The following AQR variants were observed in gnomAD, a reference collection of about 807,000 sequenced individuals.
AQR encodes aquarius intron-binding spliceosomal factor.
Under a neutral mutation model 180.5 loss-of-function variants are expected in AQR, and 61 were observed. The ratio of observed to expected loss-of-function variants is 0.34; its 90% CI spans 0.28 to 0.42. The LOEUF (loss-of-function observed/expected upper bound fraction) is 0.42. Among genes scored for constraint, AQR ranks in the 10% least tolerant of loss-of-function variants. The pLI is 1.00. For synonymous variants in AQR, 551 were observed against 588.8 expected, an observed-to-expected ratio of 0.94 and a Z score of 0.93; for missense variants, 1,281 against 1,798.3, an observed-to-expected ratio of 0.71 and a Z score of 5.20.
chr15:34,884,423 CAAAA>C, intron 26 of AQR, 98 bp downstream of exon 26: 1 of 1,116,116 alleles, frequency 9.0e-7, no homozygotes, highest in Admixed American at 3.1e-5. Context: ...AACAAAAAAA[CAAAA>C]AAACAAAAGA....
intron 19 of AQR, 133 bp downstream of exon 19, chr15:34,904,203 C>A: frequency 1.9e-6 from 1 of 525,398 alleles, no homozygotes. Context: ...AAGAGGATTG[C>A]TTATAGTAAA....
intron 11 of AQR, among the ~76,000 whole-genome samples, chr15:34,931,192 T>A (rs1452960291): frequency 6.6e-6 from 1 of 152,086 alleles, no homozygotes; most frequent in Non-Finnish European, 1.5e-5. Flanking sequence ...TATTCTTTTT[T>A]CTCCATGGCC....
chr15:34,868,831 G>A lies in AQR; in HGVS notation c.3769-1222C>T, dbSNP rs771628240. 3 of 152,108 alleles carry A rather than the reference G, an allele frequency of 2.0e-5. 1 individual carries two copies. The highest frequency in any genetic ancestry group is 4.1e-4 in the South Asian group (2 of 4,832). 9.4% of individuals were successfully genotyped at this position (152,108 alleles called of 1,614,324 possible). On this transcript the variant is annotated intron_variant, in intron 31 of 34. Coordinates refer to ENST00000156471, the MANE Select transcript of AQR (RefSeq NM_014691.3). ...GATATATTCATGTATGTGTACATGA[G>A]AAATTCATACCTTTTTGAGTATTCT... is the stretch of plus-strand genomic sequence containing the variant.
At chr15:34,940,356 C>T (rs1264283577) in intron 8 of AQR, among the ~76,000 whole-genome samples, 1 of 152,106 alleles carries the variant, frequency 6.6e-6, no homozygotes, top group Non-Finnish European at 1.5e-5. Context: ...CATGGAGAAA[C>T]CCTGTCTCTA....
chr15:34,896,690 A>T (rs973258728), intron 22 of AQR, among the ~76,000 whole-genome samples: 25 of 152,192 alleles, frequency 1.6e-4, no homozygotes, highest in African/African-American at 6.0e-4. Context: ...TCTACTAAAA[A>T]TACAAAAAAT....
At chr15:34,933,048 A>C (rs146677094) in intron 10 of AQR, among the ~76,000 whole-genome samples, 1 of 152,332 alleles carries the variant, frequency 6.6e-6, no homozygotes, top group African/African-American at 2.4e-5. Context: ...TAAAATCCCA[A>C]TATATACCGT....
chr15:34,933,707 A>G (rs1378904323), intron 10 of AQR, among the ~76,000 whole-genome samples: 4 of 152,218 alleles, frequency 2.6e-5, no homozygotes, highest in Admixed American at 2.0e-4. Flanking sequence ...ACAGCCCATG[A>G]TAGATGAGTC....
chr15:34,885,498 G>A (rs866179435), intron 25 of AQR, among the ~76,000 whole-genome samples: 1 of 152,110 alleles, frequency 6.6e-6, no homozygotes, highest in Non-Finnish European at 1.5e-5. Context: ...AATTTAACTC[G>A]TAAACAACTT....
intron 18 of AQR, 144 bp from the exon 19 acceptor site, chr15:34,904,649 C>A: frequency 1.5e-6 from 1 of 678,658 alleles, no homozygotes; most frequent in African/African-American, 1.9e-5. Context: ...ATGCCCTCCA[C>A]TCACCCACTT....
intron 16 of AQR, among the ~76,000 whole-genome samples, chr15:34,913,198 C>T (rs8036916): frequency 0.019 from 2,847 of 152,246 alleles, 82 homozygotes; most frequent in African/African-American, 0.065. Flanking sequence ...GCAGTCAATC[C>T]CTGTTACCAA....
chr15:34,892,583 A>G (rs1019370394), intron 23 of AQR, among the ~76,000 whole-genome samples: 2 of 152,222 alleles, frequency 1.3e-5, no homozygotes, highest in Non-Finnish European at 2.9e-5. Flanking sequence ...TGATAATCCA[A>G]GAGTAGCTCA....
At chr15:34,923,677 T>C (rs1893714210) in intron 13 of AQR, among the ~76,000 whole-genome samples, 1 of 152,240 alleles carries the variant, frequency 6.6e-6, no homozygotes, top group Non-Finnish European at 1.5e-5. Context: ...GCACCATTGA[T>C]GAAATCCTTT....
intron 18 of AQR, among the ~76,000 whole-genome samples, chr15:34,905,266 T>G (rs553705319): frequency 6.6e-6 from 1 of 151,998 alleles, no homozygotes; most frequent in African/African-American, 2.4e-5. Context: ...AAACCACAGA[T>G]AGCATAAACT....
Position 34,862,945 on chromosome 15 carries a change from A to G in AQR, c.3951T>C (p.Thr1317=). The G allele has an allele frequency of 4.3e-6, 7 of 1,613,896 alleles. No homozygotes were observed. The highest frequency in any genetic ancestry group is 5.1e-6 in the Non-Finnish European group (6 of 1,179,874). ...VSLFQNCFEL[T]PAFSQLTARP... is the part of the protein sequence containing the mutation. ...GAGCTGTGAGCTGACTGAAAGCTGG[A>G]GTCAGTTCAAAACAGTTTTGGAAGA... The change falls in exon 33 of 35, where the codon ACT becomes ACC. Residue 1317 remains threonine (T), a synonymous_variant. Transcript: ENST00000156471.
chr15:34,965,560 A>G (rs7172507), intron 1 of AQR, among the ~76,000 whole-genome samples: 92,985 of 151,666 alleles, frequency 0.61, 30,766 homozygotes, highest in South Asian at 0.77. Context: ...AATTCCAGCT[A>G]CTTGGGAGGC....
At chr15:34,960,251 A>T (rs2140508020) in intron 3 of AQR, among the ~76,000 whole-genome samples, 1 of 152,338 alleles carries the variant, frequency 6.6e-6, no homozygotes, top group Non-Finnish European at 1.5e-5. Context: ...TTGAAAAAAC[A>T]TGTGAAGGCG....
At chr15:34,922,286 G>A (rs1445516128) in intron 13 of AQR, among the ~76,000 whole-genome samples, 1 of 152,112 alleles carries the variant, frequency 6.6e-6, no homozygotes, top group African/African-American at 2.4e-5. Context: ...TGGGATATTT[G>A]TGTAGTCCAG....
chr15:34,915,283 C>T, intron 15 of AQR, 104 bp from the exon 16 acceptor site: 2 of 1,137,358 alleles, frequency 1.8e-6, no homozygotes, highest in South Asian at 3.5e-5. Context: ...CTCCGCCTCC[C>T]AGATTCAAGC....
chr15:34,866,486 A>G (rs1168212965), intron 32 of AQR, among the ~76,000 whole-genome samples: 2 of 152,140 alleles, frequency 1.3e-5, no homozygotes, highest in Admixed American at 6.6e-5. Context: ...TTGTTTTCTA[A>G]GTTTACAGAA....
Sources: gnomAD v4.1 joint callset for allele counts (sites outside exome capture counted in the v4.1 genomes callset) on GRCh38, gnomAD v4.1.1 for gene constraint, MANE v1.5 for transcripts, NCBI Gene and HGNC (gene_info 2026-07-23, HGNC 2026-07-21) for gene names.